The following ANKFN1 variants were observed in gnomAD, a reference collection of about 807,000 sequenced individuals.
ANKFN1 encodes the protein ankyrin repeat and fibronectin type III domain containing 1, also known as ankyrin repeat and fibronectin type-III domain-containing protein 1.
A neutral mutation model predicts 108.7 loss-of-function variants in ANKFN1; 74 were observed. That is an observed-to-expected ratio of 0.68 (90% CI 0.56 to 0.83). The LOEUF is 0.83. ANKFN1 is among the 40% of genes least tolerant of loss of function. The pLI is 0.00. For missense variants in ANKFN1, 1,505 were observed against 1,382.3 expected, an observed-to-expected ratio of 1.09 and a Z score of -1.41; for synonymous variants, 547 against 516.2, an observed-to-expected ratio of 1.06 and a Z score of -0.81.
rs553857494 is a variant in ANKFN1 at position 56,431,733 on chromosome 17, G to T, written c.911-8594G>T. On this transcript the variant is annotated intron_variant, in intron 8 of 20. Transcript: ENST00000682825. ...TCAGAGTGCCCCTTTCTAAATGAAG[G>T]CTCAGCATCTGGCAAGAAAGTTGAA... Among the ~76,000 whole-genome samples the T allele has an allele frequency of 4.6e-5, 7 of 152,302 alleles. No homozygotes were observed. In the South Asian group the frequency reaches 1.5e-3, roughly 32 times the overall value.
intron 4 of ANKFN1, among the ~76,000 whole-genome samples, chr17:56,135,132 G>A (rs1907522089): frequency 6.6e-6 from 1 of 152,084 alleles, no homozygotes; most frequent in Non-Finnish European, 1.5e-5. Flanking sequence ...TAGCCCCTCT[G>A]CTATAAAAAA....
At chr17:56,114,874 T>G (rs1906170557) in intron 4 of ANKFN1, among the ~76,000 whole-genome samples, 3 of 152,304 alleles carry the variant, frequency 2.0e-5, no homozygotes, top group African/African-American at 7.2e-5. Flanking sequence ...GTCAATGTGC[T>G]TTGAAGACTC....
chr17:56,400,666 C>T (rs1019238201), intron 8 of ANKFN1, among the ~76,000 whole-genome samples: 1 of 152,084 alleles, frequency 6.6e-6, no homozygotes, highest in Non-Finnish European at 1.5e-5. Context: ...CTTGCCTAAG[C>T]AATGTCTAGA....
intron 10 of ANKFN1, among the ~76,000 whole-genome samples, chr17:56,444,621 G>T (rs1004696211): frequency 5.3e-5 from 8 of 152,058 alleles, no homozygotes; most frequent in Admixed American, 5.2e-4. Flanking sequence ...TCTTTATATG[G>T]AGGGCATTAA....
chr17:56,447,710 A>G lies in ANKFN1; in HGVS notation c.1100-1369A>G, dbSNP rs2049345186. Among the ~76,000 whole-genome samples, 3 of 152,180 alleles carry G rather than the reference A, an allele frequency of 2.0e-5. No individual in the cohort carries two copies. The South Asian group carries it at 6.2e-4, about 32-fold the overall frequency. ...ATGAATTCCCTTCCTTTTAAGTTAT[A>G]TTTACAGAATGCCTATCATGTAATA... On this transcript the variant is annotated intron_variant, in intron 10 of 20. Transcript: ENST00000682825.
Position 56,300,021 on chromosome 17 carries a change from G to A in ANKFN1, c.54-26200G>A, listed in dbSNP as rs533636015. Among the ~76,000 whole-genome samples, 20 of 152,282 alleles carry A rather than the reference G, an allele frequency of 1.3e-4. No homozygotes were observed. The South Asian group carries it at 3.1e-3, about 24-fold the overall frequency. The stretch of plus-strand genomic sequence containing the variant: ...GTTCTGTACTTAAGGCAAGTGCGAG[G>A]TGCATATGGTAAATTTTCTGTCTTG... On this transcript the variant is annotated intron_variant, in intron 3 of 20. Transcript: ENST00000682825.
chr17:56,047,691 T>C (rs551726484), intron 4 of ANKFN1, among the ~76,000 whole-genome samples: 1 of 152,124 alleles, frequency 6.6e-6, no homozygotes, highest in Admixed American at 6.5e-5. Flanking sequence ...CCATGACACA[T>C]GGGGGTAAAC....
chr17:56,305,685 G>A (rs9897805), intron 3 of ANKFN1, among the ~76,000 whole-genome samples: 2,433 of 152,258 alleles, frequency 0.016, 59 homozygotes, highest in African/African-American at 0.056. Flanking sequence ...TTATGGATGT[G>A]CTTTTGGTGC....
chr17:56,058,160 C>A (rs78578302), intron 4 of ANKFN1, among the ~76,000 whole-genome samples: 3,167 of 152,266 alleles, frequency 0.021, 103 homozygotes, highest in African/African-American at 0.072. Flanking sequence ...CTTAAAGTCA[C>A]CAGCTGCATT....
At chr17:56,136,481 G>A (rs185137232) in intron 4 of ANKFN1, among the ~76,000 whole-genome samples, 14 of 152,318 alleles carry the variant, frequency 9.2e-5, no homozygotes, top group African/African-American at 3.4e-4. Flanking sequence ...ACAAAGACTG[G>A]GAAGAATGTA....
intron 18 of ANKFN1, among the ~76,000 whole-genome samples, chr17:56,490,548 C>A (rs1028703540): frequency 3.9e-5 from 6 of 151,970 alleles, no homozygotes; most frequent in African/African-American, 1.5e-4. Flanking sequence ...GGGAGTTTTC[C>A]TTATGGAGAG....
At chr17:56,416,395 A>G (rs1392059270) in intron 8 of ANKFN1, among the ~76,000 whole-genome samples, 2 of 152,226 alleles carry the variant, frequency 1.3e-5, no homozygotes, top group African/African-American at 4.8e-5. Flanking sequence ...TGGGCAAAAG[A>G]TATGAATAAG....
intron 3 of ANKFN1, among the ~76,000 whole-genome samples, chr17:56,322,775 T>A (rs1308281227): frequency 6.6e-6 from 1 of 152,256 alleles, no homozygotes; most frequent in Non-Finnish European, 1.5e-5. Context: ...TAATTCTATG[T>A]TCCCTTAGCA....
chr17:56,051,749 A>C (rs1394027273), intron 4 of ANKFN1, among the ~76,000 whole-genome samples: 2 of 149,070 alleles, frequency 1.3e-5, no homozygotes, highest in Non-Finnish European at 3.0e-5. Flanking sequence ...ATGTACAAAA[A>C]TCACAAGCAT....
At chr17:56,057,649 C>T (rs1033391539) in intron 4 of ANKFN1, among the ~76,000 whole-genome samples, 2 of 152,016 alleles carry the variant, frequency 1.3e-5, no homozygotes, top group African/African-American at 4.8e-5. Context: ...AGCCGGGTCT[C>T]ATGCCACACA....
chr17:56,259,094 G>C (rs975548211), intron 3 of ANKFN1, among the ~76,000 whole-genome samples: 3 of 152,082 alleles, frequency 2.0e-5, no homozygotes, highest in African/African-American at 7.2e-5. Context: ...CAGCTCTGTC[G>C]TATAGGTACT....
At chr17:56,320,705 G>A (rs1423715828) in intron 3 of ANKFN1, among the ~76,000 whole-genome samples, 2 of 152,130 alleles carry the variant, frequency 1.3e-5, no homozygotes, top group Non-Finnish European at 2.9e-5. Flanking sequence ...GCTACAGCCC[G>A]GTGAGAGGCT....
chr17:56,447,204 C>T (rs1258779100), intron 10 of ANKFN1, among the ~76,000 whole-genome samples: 1 of 152,084 alleles, frequency 6.6e-6, no homozygotes, highest in Non-Finnish European at 1.5e-5. Flanking sequence ...GCGTGGGTGA[C>T]AGAGCAAGAC....
chr17:56,426,127 C>G (rs1231478087), intron 8 of ANKFN1, among the ~76,000 whole-genome samples: 1 of 152,178 alleles, frequency 6.6e-6, no homozygotes, highest in Non-Finnish European at 1.5e-5. Context: ...TCCAATAAGT[C>G]CACATAATTC....
Sources: gnomAD v4.1 joint callset for allele counts (sites outside exome capture counted in the v4.1 genomes callset) on GRCh38, gnomAD v4.1.1 for gene constraint, MANE v1.5 for transcripts, NCBI Gene and HGNC (gene_info 2026-07-23, HGNC 2026-07-21) for gene names.